TAS2R1: variants seen among roughly 807,000 people sequenced by gnomAD.
The protein encoded by TAS2R1 is taste 2 receptor member 1.
For missense variants in TAS2R1, 370 were observed against 353.4 expected (o/e 1.05, Z -0.38); for synonymous variants, 141 against 134.2 (o/e 1.05, Z -0.35).
At chr5:9,700,399 A>G (rs1741454904) in intron 1 of TAS2R1, among the ~76,000 whole-genome samples, 1 of 152,186 alleles carries the variant, frequency 6.6e-6, no homozygotes, top group African/African-American at 2.4e-5. Flanking sequence ...GACCAGCCAT[A>G]GATTCACGGA....
the TAS2R1 span, among the ~76,000 whole-genome samples, chr5:9,791,800 A>G: frequency 6.6e-6 from 1 of 152,158 alleles, no homozygotes; most frequent in East Asian, 1.9e-4. Context: ...ACTTCCCCAC[A>G]TGACTCTGTT....
At chr5:9,825,953 G>A in the TAS2R1 span, among the ~76,000 whole-genome samples, 1 of 152,140 alleles carries the variant, frequency 6.6e-6, no homozygotes, top group Non-Finnish European at 1.5e-5. Context: ...CCTTACAGGG[G>A]TAAATGTTAT....
chr5:9,775,313 T>A, the TAS2R1 span, among the ~76,000 whole-genome samples: 1 of 152,312 alleles, frequency 6.6e-6, no homozygotes, highest in African/African-American at 2.4e-5. Flanking sequence ...GGCCTGGGAC[T>A]CTTCCTTCAG....
chr5:9,654,412 T>G (rs1466469307), intron 2 of TAS2R1, among the ~76,000 whole-genome samples: 3 of 152,142 alleles, frequency 2.0e-5, no homozygotes, highest in African/African-American at 7.2e-5. Flanking sequence ...GCATTTTAAT[T>G]AAAATAATCC....
the TAS2R1 span, among the ~76,000 whole-genome samples, chr5:9,879,514 C>T: frequency 2.0e-5 from 3 of 152,312 alleles, no homozygotes; most frequent in African/African-American, 7.2e-5. Context: ...GCTGTCCTTT[C>T]CAACTATCAT....
chr5:9,810,804 C>G, the TAS2R1 span, among the ~76,000 whole-genome samples: 4 of 152,120 alleles, frequency 2.6e-5, no homozygotes, highest in African/African-American at 7.2e-5. Flanking sequence ...GAGAATGGAA[C>G]CTTGCCTGAC....
chr5:9,831,007 T>G, the TAS2R1 span, among the ~76,000 whole-genome samples: 1 of 152,136 alleles, frequency 6.6e-6, no homozygotes, highest in East Asian at 1.9e-4. Context: ...CTTGGAAAAA[T>G]CTAAGTCCAT....
chr5:9,636,543 G>A (rs1739967730), intron 2 of TAS2R1, among the ~76,000 whole-genome samples: 1 of 151,860 alleles, frequency 6.6e-6, no homozygotes, highest in South Asian at 2.1e-4. Flanking sequence ...GAGTATTGGA[G>A]TCCCTCATCT....
upstream of TAS2R1, among the ~76,000 whole-genome samples, chr5:9,714,575 G>A (rs375776330): frequency 6.6e-6 from 1 of 152,160 alleles, no homozygotes; most frequent in African/African-American, 2.4e-5. Context: ...TCTCTTTGGA[G>A]GATCAATATG....
At chr5:9,855,138 CT>C in the TAS2R1 span, among the ~76,000 whole-genome samples, 335 of 152,262 alleles carry the variant, frequency 2.2e-3, 3 homozygotes, top group African/African-American at 7.6e-3. Flanking sequence ...GGCAGACTTC[CT>C]AATTCTTACT....
At chr5:9,646,924 A>C (rs1325492699) in intron 2 of TAS2R1, among the ~76,000 whole-genome samples, 1 of 152,190 alleles carries the variant, frequency 6.6e-6, no homozygotes, top group African/African-American at 2.4e-5. Flanking sequence ...TCTCATCTTT[A>C]GGAAGTCATT....
At chr5:9,888,197 C>A in the TAS2R1 span, among the ~76,000 whole-genome samples, 1 of 152,216 alleles carries the variant, frequency 6.6e-6, no homozygotes, top group Middle Eastern at 3.4e-3. Context: ...TCAGGAGTAG[C>A]TTTGTCAAGA....
chr5:9,693,946 C>G (rs1056888528), intron 1 of TAS2R1, among the ~76,000 whole-genome samples: 1 of 152,138 alleles, frequency 6.6e-6, no homozygotes, highest in Non-Finnish European at 1.5e-5. Context: ...GCTATTATAA[C>G]GCAATAACCC....
At chr5:9,880,876 A>T in the TAS2R1 span, among the ~76,000 whole-genome samples, 2 of 152,146 alleles carry the variant, frequency 1.3e-5, no homozygotes, top group Non-Finnish European at 2.9e-5. Flanking sequence ...TATACCAGAT[A>T]AAAGTCATGT....
chr5:9,717,893 T>C, the TAS2R1 span, among the ~76,000 whole-genome samples: 1 of 152,166 alleles, frequency 6.6e-6, no homozygotes, highest in African/African-American at 2.4e-5. Context: ...TACTAATATG[T>C]TTGTTTGCAT....
chr5:9,819,213 G>A, the TAS2R1 span, among the ~76,000 whole-genome samples: 10 of 152,196 alleles, frequency 6.6e-5, no homozygotes, highest in South Asian at 8.3e-4. Flanking sequence ...GGTAAATGGC[G>A]ACTCAAAGAC....
chr5:9,886,820 A>G, the TAS2R1 span, among the ~76,000 whole-genome samples: 2 of 152,174 alleles, frequency 1.3e-5, no homozygotes, highest in Non-Finnish European at 2.9e-5. Context: ...CAAACCCCCA[A>G]GACATGCAAT....
the TAS2R1 span, among the ~76,000 whole-genome samples, chr5:9,766,921 A>G: frequency 1.3e-5 from 2 of 152,098 alleles, no homozygotes; most frequent in African/African-American, 4.8e-5. Context: ...TCACTTCCTC[A>G]TTGATCACTG....
chr5:9,854,648 G>C, the TAS2R1 span: 1 of 152,190 alleles, frequency 6.6e-6, no homozygotes, highest in African/African-American at 2.4e-5. Flanking sequence ...GATTGCTAAA[G>C]TAAGAGGATC....
Sources: allele counts gnomAD v4.1 joint callset (sites outside exome capture counted in the v4.1 genomes callset), GRCh38; gene constraint gnomAD v4.1.1; transcripts MANE v1.5; gene names NCBI Gene and HGNC (gene_info 2026-07-23, HGNC 2026-07-21).